Variants in FBXW10 observed in about 807,000 individuals in gnomAD.
FBXW10 encodes F-box/WD repeat-containing protein 10.
Under a neutral mutation model 113.1 loss-of-function variants are expected in FBXW10, and 68 were observed. That is an observed-to-expected ratio of 0.60 (90% CI 0.49 to 0.74). The LOEUF (loss-of-function observed/expected upper bound fraction) is 0.74, where lower values mean the gene tolerates loss of function less well. Among genes scored for constraint, FBXW10 ranks in the 30% least tolerant of loss-of-function variants. FBXW10 has a pLI of 0.00. For synonymous variants in FBXW10, 289 were observed against 481.6 expected (o/e 0.60, Z 5.24); for missense variants, 753 against 1,284.5 (o/e 0.59, Z 6.32).
intron 13 of FBXW10, among the ~76,000 whole-genome samples, chr17:18,777,831 C>G (rs2035731359): frequency 1.3e-5 from 2 of 151,930 alleles, no homozygotes. Flanking sequence ...GCGTGAGCCA[C>G]CGCGCCCGGC....
rs188368924 is a variant in FBXW10 at position 18,769,463 on chromosome 17, C to T, written c.1848-464C>T. On this transcript the variant is annotated intron_variant, in intron 10 of 13. Coordinates refer to ENST00000395665, the MANE Select transcript of FBXW10 (RefSeq NM_001267585.2). Reference sequence around the variant, plus strand: ...AGAGGTATGTCTTGAGAGAAGCTCACGGTTTACTTCCACAATTATAAAATG... The same window carrying T: ...AGAGGTATGTCTTGAGAGAAGCTCATGGTTTACTTCCACAATTATAAAATG... 3.4e-3 allele frequency: 520 copies of T among 154,624 alleles called. 2 individuals carry two copies. The highest frequency in any genetic ancestry group is 0.012 in the African/African-American group (502 of 41,558). 9.6% of individuals were successfully genotyped at this position (154,624 alleles called of 1,614,324 possible).
At chr17:18,770,451 C>A (rs1329162032) in intron 11 of FBXW10, among the ~76,000 whole-genome samples, 1 of 152,078 alleles carries the variant, frequency 6.6e-6, no homozygotes, top group African/African-American at 2.4e-5. Flanking sequence ...TACAGGCGCC[C>A]ACCAGTATGC....
rs773342278 is a variant in FBXW10 at position 18,779,061 on chromosome 17, A to T, written c.2922A>T (p.Thr974=). ...AGAAAGAACGGCCTCGCATCTATAC[A>T]GCCCTTGATCCTTTTAGAGTGAACA... is the stretch of plus-strand genomic sequence containing the variant. ...SLKKERPRIY[T]ALDPFRVNTE... The change falls in exon 14 of 14, where the codon ACA becomes ACT. Residue 974 remains threonine (T), a synonymous_variant. Coordinates refer to ENST00000395665, the MANE Select transcript of FBXW10 (RefSeq NM_001267585.2). 5 of 1,421,308 alleles carry T rather than the reference A, an allele frequency of 3.5e-6. 1 individual carries two copies. Among genetic ancestry groups the T allele is most frequent in the South Asian group, 2.3e-5 (2 of 87,496 alleles). 88.0% of individuals were successfully genotyped at this position (1,421,308 alleles called of 1,614,324 possible).
At chr17:18,753,169 G>A (rs1322882220) in intron 5 of FBXW10, among the ~76,000 whole-genome samples, 4 of 152,190 alleles carry the variant, frequency 2.6e-5, no homozygotes, top group African/African-American at 9.7e-5. Flanking sequence ...AAGACATCTA[G>A]GGCACAGAGG....
chr17:18,749,537 A>G (rs2035115818), intron 2 of FBXW10, among the ~76,000 whole-genome samples, 185 bp from the exon 3 acceptor site: 1 of 123,774 alleles, frequency 8.1e-6, no homozygotes, highest in African/African-American at 3.2e-5. Flanking sequence ...ACAGAGCGAG[A>G]CTCCGTCTCA....
At chr17:18,745,864 TG>T (rs1290328556) in intron 1 of FBXW10, among the ~76,000 whole-genome samples, 1 of 152,182 alleles carries the variant, frequency 6.6e-6, no homozygotes, top group African/African-American at 2.4e-5. Context: ...ATAAGGGTGG[TG>T]TCTGTTTTGC....
intron 5 of FBXW10, 40 bp downstream of exon 5, chr17:18,751,093 T>A (rs1213344936): frequency 6.2e-7 from 1 of 1,612,838 alleles, no homozygotes; most frequent in South Asian, 1.1e-5. Context: ...GCTGTGAGCG[T>A]CTCATTCTAA....
At chr17:18,758,214 A>G in intron 6 of FBXW10, 91 bp from the exon 7 acceptor site, 3 of 1,352,680 alleles carry the variant, frequency 2.2e-6, no homozygotes, top group South Asian at 1.5e-5. Context: ...CCTTTACACC[A>G]CTGCTGTAGG....
intron 11 of FBXW10, 112 bp from the exon 12 acceptor site, chr17:18,772,300 T>C: frequency 2.0e-6 from 2 of 1,008,328 alleles, no homozygotes; most frequent in South Asian, 1.6e-5. Context: ...TGTTTGGTCA[T>C]CACCTGGGCA....
At chr17:18,753,965 C>T (rs1052860264) in intron 5 of FBXW10, among the ~76,000 whole-genome samples, 1 of 151,994 alleles carries the variant, frequency 6.6e-6, no homozygotes, top group African/African-American at 2.4e-5. Context: ...CAAGACTAAG[C>T]AGTTACAGAG....
At chr17:18,775,327 A>C in intron 13 of FBXW10, 135 bp downstream of exon 13, 1 of 633,434 alleles carries the variant, frequency 1.6e-6, no homozygotes, top group East Asian at 2.8e-5. Flanking sequence ...CAAGATCCAA[A>C]CTCTTTCTCT....
chr17:18,755,003 G>A (rs1259148908), intron 5 of FBXW10, among the ~76,000 whole-genome samples: 1 of 151,894 alleles, frequency 6.6e-6, no homozygotes, highest in African/African-American at 2.4e-5. Flanking sequence ...TGGCTCACAC[G>A]TGTAATCCCA....
chr17:18,755,841 A>G (rs1057187495), intron 5 of FBXW10, among the ~76,000 whole-genome samples: 13 of 152,230 alleles, frequency 8.5e-5, no homozygotes, highest in African/African-American at 3.1e-4. Flanking sequence ...AGAAGAATTA[A>G]GAACCTTGAC....
At position 18,775,961 on chromosome 17, in the gene FBXW10, G is replaced by A. The variant is rs191061286; in HGVS notation, c.2335+769G>A. 4.0e-3 allele frequency among the ~76,000 whole-genome samples: 613 copies of A among 151,542 alleles called. 2 individuals carry two copies. The highest frequency in any genetic ancestry group is 6.6e-3 in the Non-Finnish European group (451 of 67,936). ...GATCCTTTGAGTCCAGGAGCTTGAC[G>A]TTACAGTGAGCTATGATTGCACCAC... On this transcript the variant is annotated intron_variant, in intron 13 of 13. Coordinates refer to ENST00000395665, the MANE Select transcript of FBXW10 (RefSeq NM_001267585.2).
chr17:18,757,039 G>A (rs1185435481), intron 6 of FBXW10, among the ~76,000 whole-genome samples: 2 of 151,740 alleles, frequency 1.3e-5, no homozygotes, highest in African/African-American at 4.8e-5. Context: ...GTCAAGAATT[G>A]CTCCTTATAT....
intron 9 of FBXW10, among the ~76,000 whole-genome samples, chr17:18,767,481 G>A (rs2035521102): frequency 6.6e-6 from 1 of 151,776 alleles, no homozygotes; most frequent in Non-Finnish European, 1.5e-5. Flanking sequence ...GGGGTGAGGG[G>A]ATGAACAAAG....
At chr17:18,756,301 A>T (rs2035264020) in intron 6 of FBXW10, 147 bp downstream of exon 6, 6 of 691,986 alleles carry the variant, frequency 8.7e-6, no homozygotes, top group Non-Finnish European at 1.5e-5. Context: ...GATCCCATGT[A>T]GACAATACCT....
intron 6 of FBXW10, among the ~76,000 whole-genome samples, chr17:18,757,158 A>G (rs2035283178): frequency 6.6e-6 from 1 of 150,822 alleles, no homozygotes; most frequent in Non-Finnish European, 1.5e-5. Flanking sequence ...ATATATATGT[A>G]GTTTAAAGAA....
chr17:18,749,873 C>A lies in FBXW10; in HGVS notation c.822C>A (p.Tyr274Ter). ...IRDLSSGFSK[Y>*]RDFIRYLPIH... Reference sequence around the variant, plus strand: ...ACCTGTCTTCTGGGTTCAGCAAATACCGAGACTTCATCCGTTACCTGCCCA... The same window carrying A: ...ACCTGTCTTCTGGGTTCAGCAAATAACGAGACTTCATCCGTTACCTGCCCA... Residue 274 changes from tyrosine (Y) to a stop codon, truncating the protein, a stop_gained, in exon 3 of 14, where the codon TAC becomes TAA. Transcript: ENST00000395665. LOFTEE classifies it high-confidence loss of function. The A allele has an allele frequency of 6.2e-7, 1 of 1,614,026 alleles. No individual in the cohort carries two copies. The highest frequency in any genetic ancestry group is 8.5e-7 in the Non-Finnish European group (1 of 1,179,990).
Sources: gnomAD v4.1 joint callset for allele counts (sites outside exome capture counted in the v4.1 genomes callset) on GRCh38, gnomAD v4.1.1 for gene constraint, MANE v1.5 for transcripts, NCBI Gene and HGNC (gene_info 2026-07-23, HGNC 2026-07-21) for gene names.